The following PRKCA variants were observed in gnomAD, a reference collection of about 807,000 sequenced individuals.
PRKCA encodes protein kinase C alpha.
PRKCA carries 27 observed loss-of-function variants against 87.0 expected under a neutral mutation model. That is an observed-to-expected ratio of 0.31 (90% CI 0.23 to 0.43). The LOEUF (loss-of-function observed/expected upper bound fraction) is 0.43, where lower values mean the gene tolerates loss of function less well. Ranked by LOEUF, PRKCA falls within the 20% of genes least tolerant of loss-of-function variation. The pLI is 1.00. For missense variants in PRKCA, 518 were observed against 852.3 expected (o/e 0.61, Z 4.88); for synonymous variants, 329 against 311.1 (o/e 1.06, Z -0.61).
chr17:66,595,645 T>C (rs1969952760), intron 3 of PRKCA, among the ~76,000 whole-genome samples: 1 of 152,000 alleles, frequency 6.6e-6, no homozygotes, highest in South Asian at 2.1e-4. Flanking sequence ...GTATCTTTGG[T>C]AGAGACAGGG....
chr17:66,798,216 C>T (rs145619887), intron 16 of PRKCA, among the ~76,000 whole-genome samples: 8 of 152,324 alleles, frequency 5.3e-5, no homozygotes, highest in Admixed American at 1.3e-4. Flanking sequence ...AGATGGCACC[C>T]GAGGCCATTG....
At chr17:66,756,058 A>C (rs1328924817) in intron 13 of PRKCA, among the ~76,000 whole-genome samples, 1 of 152,224 alleles carries the variant, frequency 6.6e-6, no homozygotes, top group African/African-American at 2.4e-5. Context: ...GACAAGTCTG[A>C]GAATCAGTCA....
chr17:66,744,234 CATT>C (rs1339781061), intron 13 of PRKCA, among the ~76,000 whole-genome samples: 3 of 152,158 alleles, frequency 2.0e-5, no homozygotes, highest in Non-Finnish European at 2.9e-5. Flanking sequence ...AGAACTCCCT[CATT>C]AGTACCTACA....
chr17:66,404,924 G>T (rs1598644180), intron 2 of PRKCA, among the ~76,000 whole-genome samples: 1 of 151,446 alleles, frequency 6.6e-6, no homozygotes, highest in South Asian at 2.1e-4. Context: ...TAATTTTTGT[G>T]TTTTTAGTAG....
intron 3 of PRKCA, among the ~76,000 whole-genome samples, chr17:66,587,509 G>T (rs1385159614): frequency 6.6e-6 from 1 of 151,744 alleles, no homozygotes; most frequent in Non-Finnish European, 1.5e-5. Flanking sequence ...GACAGTAATT[G>T]GTTCGTTTTC....
rs142886048 is a variant in PRKCA, at chr17:66,482,144, T to A, written c.206-14057T>A. The stretch of plus-strand genomic sequence containing the variant: ...AAAAAAAGAAAAAAAAGAAAGTGGA[T>A]CGAGTATGAATTATGAAATTGCAAA... On this transcript the variant is annotated intron_variant, in intron 2 of 16. Coordinates refer to ENST00000413366, the MANE Select transcript of PRKCA (RefSeq NM_002737.3). Among the ~76,000 whole-genome samples the A allele has an allele frequency of 8.9e-5, 13 of 146,100 alleles. No individual in the cohort carries two copies. The East Asian group carries it at 2.6e-3, about 29-fold the overall frequency.
At chr17:66,358,445 G>A (rs1364201180) in intron 2 of PRKCA, among the ~76,000 whole-genome samples, 3 of 150,102 alleles carry the variant, frequency 2.0e-5, no homozygotes, top group Non-Finnish European at 1.5e-5. Context: ...TACCTAGAAG[G>A]TACTTTGCAC....
At chr17:66,638,754 A>G (rs1971212399) in intron 3 of PRKCA, among the ~76,000 whole-genome samples, 1 of 152,104 alleles carries the variant, frequency 6.6e-6, no homozygotes, top group African/African-American at 2.4e-5. Flanking sequence ...GGGCTGAGGC[A>G]GGAGAATGGC....
At chr17:66,739,975 A>G (rs867261883) in intron 11 of PRKCA, among the ~76,000 whole-genome samples, 55 of 152,054 alleles carry the variant, frequency 3.6e-4, no homozygotes, top group African/African-American at 1.3e-3. Context: ...ATAAGAAGGA[A>G]TGGAGCTGTA....
intron 2 of PRKCA, among the ~76,000 whole-genome samples, chr17:66,329,227 G>A (rs912953422): frequency 5.3e-5 from 8 of 152,124 alleles, no homozygotes; most frequent in Non-Finnish European, 1.0e-4. Flanking sequence ...GGAGAGGAGG[G>A]TATCAAAGGT....
rs549722091 is a variant in PRKCA at position 66,514,043 on chromosome 17, A to G, written c.288+17760A>G. Among the ~76,000 whole-genome samples, 274 of 152,324 alleles carry G rather than the reference A, an allele frequency of 1.8e-3. 2 individuals carry two copies. The highest frequency in any genetic ancestry group is 6.3e-3 in the African/African-American group (263 of 41,570). The stretch of plus-strand genomic sequence containing the variant: ...GTACACTAAGATATTTTGAGAGACC[A>G]CATTCACATAACTTTTATTACATAC... On this transcript the variant is annotated intron_variant, in intron 3 of 16. Coordinates refer to ENST00000413366, the MANE Select transcript of PRKCA (RefSeq NM_002737.3).
intron 2 of PRKCA, among the ~76,000 whole-genome samples, chr17:66,312,614 T>A (rs1023347765): frequency 5.9e-5 from 9 of 152,184 alleles, no homozygotes; most frequent in Non-Finnish European, 4.4e-5. Context: ...TTGTTTCAAT[T>A]CTTTCCTCAA....
intron 1 of PRKCA, among the ~76,000 whole-genome samples, chr17:66,304,389 T>A (rs1422968443): frequency 6.6e-6 from 1 of 152,220 alleles, no homozygotes; most frequent in Non-Finnish European, 1.5e-5. Flanking sequence ...TAGTTTGGTT[T>A]TTCTTTTAAG....
At chr17:66,775,539 A>C in intron 14 of PRKCA, 1 of 985,382 alleles carries the variant, frequency 1.0e-6, no homozygotes, top group East Asian at 1.1e-4. Context: ...TATACTAAAC[A>C]TGATTCTGCC....
chr17:66,316,241 AG>A (rs1408543529), intron 2 of PRKCA, among the ~76,000 whole-genome samples: 1 of 152,210 alleles, frequency 6.6e-6, no homozygotes, highest in Non-Finnish European at 1.5e-5. Flanking sequence ...AAAAATATGT[AG>A]GGAGCTACTT....
At chr17:66,454,509 C>T (rs1450719285) in intron 2 of PRKCA, among the ~76,000 whole-genome samples, 1 of 152,196 alleles carries the variant, frequency 6.6e-6, no homozygotes, top group Admixed American at 6.5e-5. Context: ...CTGATAAAGA[C>T]ATACCCGAAA....
intron 13 of PRKCA, among the ~76,000 whole-genome samples, chr17:66,759,272 C>T (rs1974626283): frequency 6.6e-6 from 1 of 151,626 alleles, no homozygotes; most frequent in South Asian, 2.1e-4. Flanking sequence ...AGGAGAATGG[C>T]GTGAACCCGG....
chr17:66,357,258 G>A (rs1908116848), intron 2 of PRKCA, among the ~76,000 whole-genome samples: 1 of 152,150 alleles, frequency 6.6e-6, no homozygotes, highest in South Asian at 2.1e-4. Context: ...GGGTGGTGGG[G>A]GAGGGCACTA....
chr17:66,585,924 G>C (rs762545160), intron 3 of PRKCA, among the ~76,000 whole-genome samples: 1 of 152,202 alleles, frequency 6.6e-6, no homozygotes, highest in Non-Finnish European at 1.5e-5. Context: ...CAGTCATTTA[G>C]GGTCCTCAGT....
Sources: gnomAD v4.1 joint callset for allele counts (sites outside exome capture counted in the v4.1 genomes callset) on GRCh38, gnomAD v4.1.1 for gene constraint, MANE v1.5 for transcripts, NCBI Gene and HGNC (gene_info 2026-07-23, HGNC 2026-07-21) for gene names.